Variants in PRB2 observed in about 807,000 individuals in gnomAD.
PRB2 encodes proline rich protein BstNI subfamily 2.
A neutral mutation model predicts 8.3 loss-of-function variants in PRB2; 12 were observed. The observed-to-expected ratio is 1.45, with a 90% confidence interval of 0.93 to 2.35. PRB2 has a LOEUF of 2.35. PRB2 is among the 30% of genes most tolerant of loss of function. The probability of loss-of-function intolerance (pLI) is 0.00; values close to 1 mark genes in which losing one functional copy is unlikely to be tolerated. For missense variants in PRB2, 470 were observed against 507.0 expected (o/e 0.93, Z 0.70); for synonymous variants, 146 against 180.0 (o/e 0.81, Z 1.51).
intron 3 of PRB2, among the ~76,000 whole-genome samples, chr12:11,392,144 A>G (rs1215400623): frequency 1.2e-4 from 1 of 8,666 alleles, no homozygotes; most frequent in Non-Finnish European, 2.1e-4. Context: ...TAACATATGT[A>G]CCTGAATATA....
chr12:11,394,010 T>G (rs1864367599), intron 2 of PRB2, 33 bp from the exon 3 acceptor site: 1 of 1,612,888 alleles, frequency 6.2e-7, no homozygotes, highest in African/African-American at 1.3e-5. Flanking sequence ...AAAGACAGAG[T>G]AAAAGCCCAT....
At position 11,393,901 on chromosome 12, in the gene PRB2, TC is replaced by T. The variant is rs1864365093; in HGVS notation, c.176del (p.Gly59AspfsTer372). 2 of 1,497,492 alleles carry T rather than the reference TC, an allele frequency of 1.3e-6. No individual in the cohort carries two copies. Among genetic ancestry groups the T allele is most frequent in the African/African-American group, 2.9e-5 (2 of 69,412 alleles). The allele number at this position is 1,497,492 out of a possible 1,614,324, so 92.8% of individuals were successfully genotyped here. On this transcript the variant is annotated frameshift_variant, in exon 3 of 4. Coordinates refer to ENST00000389362, the MANE Select transcript of PRB2 (RefSeq NM_006248.4). LOFTEE classifies it low-confidence loss of function (END_TRUNC). Reference sequence around the variant, plus strand: ...GCTGGTTGCCTCCTTGTGGGGGTGGTCCTTGTGGCTTTCCTGGAGGAGATGG... The same window carrying T: ...GCTGGTTGCCTCCTTGTGGGGGTGGTCTTGTGGCTTTCCTGGAGGAGATGG... Reference protein sequence around the residue: ...GPPSPPGKPQGPPPQGGNQPQ... With the variant: ...GPPSPPGKPQXPPPQGGNQPQ...
In PRB2 at chr12:11,395,540, G is replaced by T. The variant is rs749934127; in HGVS notation, c.-11C>A. 2 of 1,611,498 alleles carry T rather than the reference G, an allele frequency of 1.2e-6. No homozygotes were observed. The highest frequency in any genetic ancestry group is 1.7e-6 in the Non-Finnish European group (2 of 1,178,498). On this transcript the variant is annotated 5_prime_UTR_variant, in exon 1 of 4. Coordinates refer to ENST00000389362, the MANE Select transcript of PRB2 (RefSeq NM_006248.4). ...CAGAATCAACAGCATCTTGCAGGAG[G>T]CTCTGGAGTCACTCCCAACTCTGTG... is the stretch of plus-strand genomic sequence containing the variant.
chr12:11,394,636 C>G, intron 1 of PRB2, 106 bp from the exon 2 acceptor site: 1 of 1,379,710 alleles, frequency 7.2e-7, no homozygotes, highest in Non-Finnish European at 1.0e-6. Context: ...CCATGCATCC[C>G]CTAAGTTAAC....
In PRB2 at chr12:11,393,340, G is replaced by T. The variant is rs768173316; in HGVS notation, c.738C>A (p.Pro246=). The part of the protein sequence containing the change: ...RSPPGKPQGP[P]PQGGNQPQGP... ...CTTGGGGCTGGTTGCCTCCTTGTGG[G>T]GGTGGTCCTTGTGGCTTTCCTGGAG... The change falls in exon 3 of 4, where the codon CCC becomes CCA. Residue 246 remains proline (P), a synonymous_variant. Coordinates refer to ENST00000389362, the MANE Select transcript of PRB2 (RefSeq NM_006248.4). The T allele has an allele frequency of 1.9e-6, 3 of 1,580,936 alleles. No homozygotes were observed. Among genetic ancestry groups the T allele is most frequent in the East Asian group, 4.6e-5 (2 of 43,496 alleles).
chr12:11,394,058 G>A (rs938645514), intron 2 of PRB2, 81 bp from the exon 3 acceptor site: 13 of 1,576,458 alleles, frequency 8.2e-6, no homozygotes, highest in Non-Finnish European at 1.1e-5. Context: ...ATTTTTATCA[G>A]TTTGGGTAAC....
rs1864378421 is a variant in PRB2 at position 11,394,524 on chromosome 12, C to A, written c.71G>T (p.Ser24Ile). 7 of 1,613,404 alleles carry A rather than the reference C, an allele frequency of 4.3e-6. No homozygotes were observed. In the Middle Eastern group the frequency reaches 4.9e-4, roughly 114 times the overall value. ...TATTAGGGAGGGAGATTCTTCCTGG[C>A]TGACATCTAGAAGAGAAGCACAGGA... ...SSAQNLNEDV[S>I]QEESPSLIAG... Residue 24 changes from serine to isoleucine, a missense_variant, in exon 2 of 4, where the codon AGC becomes ATC. Coordinates refer to ENST00000389362, the MANE Select transcript of PRB2 (RefSeq NM_006248.4).
chr12:11,393,072 G>T lies in PRB2; in HGVS notation c.1006C>A (p.Pro336Thr). The T allele has an allele frequency of 1.6e-5, 24 of 1,543,548 alleles. No homozygotes were observed. Among genetic ancestry groups the T allele is most frequent in the Non-Finnish European group, 2.0e-5 (23 of 1,138,906 alleles). The part of the protein sequence containing the change: ...QGPPPQGGNK[P>T]QGPPPPGKPQ... ...TTTCCTGGAGGTGGGGGACCTTGAG[G>T]TTTGTTGCCTCCTTGTGGGGGTGGT... Residue 336 changes from proline to threonine, a missense_variant, in exon 3 of 4, where the codon CCT becomes ACT. By Grantham distance (38) the Pro-to-Thr change is conservative. This residue lies in a region of PRB2 where 205 missense variants were observed against 195.0 expected (regional missense o/e 1.05). Transcript: ENST00000389362.
chr12:11,391,890 T>C lies in PRB2; in HGVS notation c.*34-242A>G, dbSNP rs1026078018. On this transcript the variant is annotated intron_variant, in intron 3 of 3. Transcript: ENST00000389362. ...CAGAAGATCATTCTTAGCTTATTAT[T>C]ACTTGCTGCTGAATTTGTTCACAGA... is the stretch of plus-strand genomic sequence containing the variant. Among the ~76,000 whole-genome samples, 5 of 127,872 alleles carry C rather than the reference T, an allele frequency of 3.9e-5. 1 individual carries two copies. Among genetic ancestry groups the C allele is most frequent in the African/African-American group, 1.6e-4 (5 of 31,370 alleles). 83.9% of individuals were successfully genotyped at this position (127,872 alleles called of 152,430 possible). A position where few individuals can be genotyped will look rare whatever the true frequency, so the allele number is the denominator to read the frequency against.
rs752506850 is a variant in PRB2 at position 11,393,810 on chromosome 12, G to C, written c.268C>G (p.Gln90Glu). 6.6e-7 allele frequency: 1 copy of C among 1,516,156 alleles called. No homozygotes were observed. 93.9% of individuals were successfully genotyped at this position (1,516,156 alleles called of 1,614,324 possible). The change falls in exon 3 of 4, where the codon CAA (glutamine) becomes GAA (glutamate). Residue 90 changes from glutamine (Q) to glutamate (E), a missense_variant. Gln to Glu is a conservative substitution (Grantham distance 29). Around this residue, in one of 4 missense-constraint regions of PRB2, gnomAD observed 211 missense variants for 207.7 expected, o/e 1.02. Coordinates refer to ENST00000389362, the MANE Select transcript of PRB2 (RefSeq NM_006248.4). ...GPPPQGGNKP[Q>E]GPPPPGKPQG... ...GGCTTTCCTGGAGGTGGGGGACCTT[G>C]AGGTTTGTTGCCTCCTTGTGGGGGT...
chr12:11,394,860 T>C lies in PRB2; in HGVS notation c.65-330A>G, dbSNP rs538045827. ...TCTTATGCCCTCCATCTCCTATAAA[T>C]ACATTGCTTATGTACACATGCTTTC... On this transcript the variant is annotated intron_variant, in intron 1 of 3. Transcript: ENST00000389362. Among the ~76,000 whole-genome samples, 8 of 152,266 alleles carry C rather than the reference T, an allele frequency of 5.3e-5. No individual in the cohort carries two copies. The South Asian group carries it at 1.5e-3, about 28-fold the overall frequency.
Position 11,395,499 on chromosome 12 carries a change from G to C in PRB2, c.31C>G (p.Leu11Val). Residue 11 changes from leucine to valine, a missense_variant, in exon 1 of 4, where the codon CTG becomes GTG. This residue lies in a region of PRB2 where 211 missense variants were observed against 207.7 expected (regional missense o/e 1.02). Transcript: ENST00000389362. Reference protein sequence around the residue: MLLILLSVALLALSSAQNLNE... With the variant: MLLILLSVALVALSSAQNLNE... ...AAGTTCTGAGCTGAGCTCAGGGCCA[G>C]CAAGGCCACTGACAGCAGAATCAAC... 3 of 1,613,552 alleles carry C rather than the reference G, an allele frequency of 1.9e-6. No homozygotes were observed. Among genetic ancestry groups the C allele is most frequent in the Non-Finnish European group, 2.5e-6 (3 of 1,179,758 alleles).
chr12:11,394,106 C>A, intron 2 of PRB2, 129 bp from the exon 3 acceptor site: 2 of 1,305,116 alleles, frequency 1.5e-6, no homozygotes, highest in East Asian at 2.3e-5. Flanking sequence ...GAGACCAAGA[C>A]ATTAATTTCT....
intron 3 of PRB2, among the ~76,000 whole-genome samples, chr12:11,391,989 A>G (rs1254847500): frequency 2.0e-5 from 2 of 99,232 alleles, no homozygotes; most frequent in East Asian, 5.1e-4. Context: ...GTGTCCAGTG[A>G]CACAGATTGG....
At position 11,393,945 on chromosome 12, in the gene PRB2, T is replaced by C; in HGVS notation, c.133A>G (p.Asn45Asp). The C allele has an allele frequency of 6.3e-7, 1 of 1,585,334 alleles. No homozygotes were observed. Among genetic ancestry groups the C allele is most frequent in the Non-Finnish European group, 8.6e-7 (1 of 1,162,580 alleles). Residue 45 changes from asparagine (N) to aspartate (D), a missense_variant, in exon 3 of 4, where the codon AAC becomes GAC. Physicochemically the swap from Asn to Asp is conservative, Grantham distance 23 (BLOSUM62 1). Transcript: ENST00000389362. ...NPQGAPPQGG[N>D]KPQGPPSPPG... ...GGAGATGGGGGACCTTGAGGTTTGTTGCCTCCTTGTGGGGGTGCTCCTTGT... is the reference window on the plus strand; with the variant it reads ...GGAGATGGGGGACCTTGAGGTTTGTCGCCTCCTTGTGGGGGTGCTCCTTGT...
intron 1 of PRB2, among the ~76,000 whole-genome samples, chr12:11,395,076 GTC>G (rs1864388859): frequency 1.3e-5 from 2 of 152,254 alleles, no homozygotes; most frequent in South Asian, 4.1e-4. Flanking sequence ...TACTGTGTGT[GTC>G]TATCGCCGTC....
In PRB2 at chr12:11,391,607, C is replaced by A. The variant is rs371799068; in HGVS notation, c.*75G>T. ...TGATGACCTTTTTCCAATGTCATGG[C>A]ATTTGAATCATTTGAATCACTCTCA... On this transcript the variant is annotated 3_prime_UTR_variant, in exon 4 of 4. Coordinates refer to ENST00000389362, the MANE Select transcript of PRB2 (RefSeq NM_006248.4). The A allele has an allele frequency of 7.5e-4, 325 of 436,186 alleles. 13 individuals carry two copies. Among genetic ancestry groups the A allele is most frequent in the South Asian group, 2.9e-3 (181 of 61,790 alleles). 27.0% of individuals were successfully genotyped at this position (436,186 alleles called of 1,614,324 possible). A position where few individuals can be genotyped will look rare whatever the true frequency, so the allele number is the denominator to read the frequency against.
In PRB2 at chr12:11,395,184, G is replaced by T. The variant is rs1263379296; in HGVS notation, c.64+282C>A. 1.3e-5 allele frequency among the ~76,000 whole-genome samples: 2 copies of T among 151,934 alleles called. 1 individual carries two copies. The highest frequency in any genetic ancestry group is 2.9e-5 in the Non-Finnish European group (2 of 67,986). On this transcript the variant is annotated intron_variant, in intron 1 of 3. Transcript: ENST00000389362. ...TTCACAGCTGGACTTCCATGAATCT[G>T]CCTTGCATTCTCTACTGCATCCTTC...
At chr12:11,394,445 A>G (rs1864376423) in intron 2 of PRB2, 50 bp downstream of exon 2, 2 of 1,590,336 alleles carry the variant, frequency 1.3e-6, no homozygotes, top group Admixed American at 1.7e-5. Context: ...TGATCCATTC[A>G]TAAGCAGAAA....
Sources: allele counts gnomAD v4.1 joint callset (sites outside exome capture counted in the v4.1 genomes callset), GRCh38; gene constraint gnomAD v4.1.1; regional missense constraint gnomAD v4.1.1; transcripts MANE v1.5; gene names NCBI Gene and HGNC (gene_info 2026-07-23, HGNC 2026-07-21).